HPSE2: variants seen among roughly 807,000 people sequenced by gnomAD.
HPSE2 encodes the protein heparanase 2 (inactive), also known as inactive heparanase-2.
A neutral mutation model predicts 60.5 loss-of-function variants in HPSE2; 38 were observed. The ratio of observed to expected loss-of-function variants is 0.63; its 90% CI spans 0.48 to 0.82. The LOEUF (loss-of-function observed/expected upper bound fraction) is 0.82. Ranked by LOEUF, HPSE2 falls within the 40% of genes least tolerant of loss-of-function variation. The pLI is 0.00. For synonymous variants in HPSE2, 295 were observed against 293.2 expected, an observed-to-expected ratio of 1.01 and a Z score of -0.06; for missense variants, 713 against 740.4, an observed-to-expected ratio of 0.96 and a Z score of 0.43.
At chr10:99,160,382 C>T (rs1213945682) in intron 2 of HPSE2, among the ~76,000 whole-genome samples, 1 of 152,116 alleles carries the variant, frequency 6.6e-6, no homozygotes, top group Non-Finnish European at 1.5e-5. Flanking sequence ...GATACTACTA[C>T]ACACCCACTA....
At chr10:98,869,812 A>G (rs1952685483) in intron 3 of HPSE2, among the ~76,000 whole-genome samples, 2 of 152,168 alleles carry the variant, frequency 1.3e-5, no homozygotes, top group African/African-American at 2.4e-5. Flanking sequence ...CCTCTCAGCC[A>G]TAGTTTCCTT....
At chr10:98,566,230 G>A (rs1270101873) in intron 9 of HPSE2, among the ~76,000 whole-genome samples, 1 of 152,206 alleles carries the variant, frequency 6.6e-6, no homozygotes, top group Non-Finnish European at 1.5e-5. Context: ...GGAAGGAAAC[G>A]TAAGCTATAT....
chr10:99,164,809 G>A (rs1441688211), intron 2 of HPSE2, among the ~76,000 whole-genome samples: 5 of 152,182 alleles, frequency 3.3e-5, no homozygotes, highest in African/African-American at 1.2e-4. Context: ...CAGATCACGA[G>A]GTCAGGTGGC....
intron 2 of HPSE2, among the ~76,000 whole-genome samples, chr10:99,155,828 A>C (rs1846526704): frequency 6.6e-6 from 1 of 151,078 alleles, no homozygotes; most frequent in Admixed American, 6.7e-5. Context: ...GGTTTTTTGA[A>C]AGGATCAACA....
intron 9 of HPSE2, among the ~76,000 whole-genome samples, chr10:98,514,233 C>T (rs111244950): frequency 7.3e-5 from 11 of 151,612 alleles, no homozygotes; most frequent in African/African-American, 2.7e-4. Flanking sequence ...GGTAAATTCA[C>T]AAAAAGTAGA....
intron 6 of HPSE2, among the ~76,000 whole-genome samples, chr10:98,680,711 AG>A (rs1947761414): frequency 6.6e-6 from 1 of 152,164 alleles, no homozygotes; most frequent in Non-Finnish European, 1.5e-5. Context: ...TGTTGTCTTG[AG>A]GAAAAGCACT....
intron 9 of HPSE2, among the ~76,000 whole-genome samples, chr10:98,610,887 A>G (rs1309591932): frequency 1.3e-5 from 2 of 152,222 alleles, no homozygotes; most frequent in Middle Eastern, 3.2e-3. Context: ...CCTTTCCCTG[A>G]AAGCTCTGTA....
intron 2 of HPSE2, among the ~76,000 whole-genome samples, chr10:99,146,100 G>A (rs773643690): frequency 2.6e-4 from 39 of 152,290 alleles, no homozygotes; most frequent in Non-Finnish European, 2.9e-4. Context: ...GTATAAATAA[G>A]TTCAAGAATA....
intron 3 of HPSE2, among the ~76,000 whole-genome samples, chr10:98,923,985 A>T (rs1179741963): frequency 6.6e-6 from 1 of 152,166 alleles, no homozygotes; most frequent in African/African-American, 2.4e-5. Flanking sequence ...GCATCTGGGC[A>T]TTAAAGAGTT....
chr10:99,250,477 C>G, the HPSE2 span, among the ~76,000 whole-genome samples: 1 of 152,200 alleles, frequency 6.6e-6, no homozygotes, highest in African/African-American at 2.4e-5. Flanking sequence ...AGAATCTGGA[C>G]TTAAACATGA....
At chr10:99,111,146 GCTCT>G (rs1415111282) in intron 3 of HPSE2, among the ~76,000 whole-genome samples, 1 of 151,954 alleles carries the variant, frequency 6.6e-6, no homozygotes, top group Non-Finnish European at 1.5e-5. Context: ...CTATTTCTGC[GCTCT>G]CTATTCTGTC....
At chr10:98,830,441 G>C (rs1009227000) in intron 3 of HPSE2, among the ~76,000 whole-genome samples, 1 of 152,052 alleles carries the variant, frequency 6.6e-6, no homozygotes, top group Non-Finnish European at 1.5e-5. Context: ...CTACCTAATG[G>C]GCAAAGGACA....
intron 3 of HPSE2, among the ~76,000 whole-genome samples, chr10:98,821,005 C>T (rs931565073): frequency 6.6e-6 from 1 of 152,176 alleles, no homozygotes; most frequent in African/African-American, 2.4e-5. Context: ...CTTCCCCTAC[C>T]TGTTGATGAG....
intron 9 of HPSE2, among the ~76,000 whole-genome samples, chr10:98,533,379 C>T (rs1943188017): frequency 6.6e-6 from 1 of 152,164 alleles, no homozygotes; most frequent in African/African-American, 2.4e-5. Flanking sequence ...ACAAAATTTC[C>T]TGGCTTTCTT....
At chr10:98,901,063 A>G (rs1400109984) in intron 3 of HPSE2, among the ~76,000 whole-genome samples, 1 of 152,220 alleles carries the variant, frequency 6.6e-6, no homozygotes, top group African/African-American at 2.4e-5. Flanking sequence ...AACATGAATG[A>G]ATCTCAGAGT....
intron 6 of HPSE2, among the ~76,000 whole-genome samples, chr10:98,666,690 C>T (rs1056647355): frequency 2.6e-5 from 4 of 152,026 alleles, no homozygotes; most frequent in South Asian, 2.1e-4. Context: ...AACTCTTGAG[C>T]GAACAATGAA....
At chr10:98,980,682 T>C (rs1458567121) in intron 3 of HPSE2, among the ~76,000 whole-genome samples, 1 of 152,192 alleles carries the variant, frequency 6.6e-6, no homozygotes, top group Non-Finnish European at 1.5e-5. Flanking sequence ...GTTTACAGTC[T>C]TGTCTACCTA....
At chr10:98,800,518 T>C (rs901976177) in intron 3 of HPSE2, among the ~76,000 whole-genome samples, 10 of 148,814 alleles carry the variant, frequency 6.7e-5, no homozygotes, top group African/African-American at 2.4e-4. Context: ...TATAATAAAA[T>C]AAAATCAGGG....
At position 99,117,417 on chromosome 10, in the gene HPSE2, GAAAAAA is replaced by G. The variant is rs1157232317; in HGVS notation, c.610+26815_610+26820del. On this transcript the variant is annotated intron_variant, in intron 3 of 11. Transcript: ENST00000370552. ...CAGCAAATCCAAGAGTTGTTTTTTT[GAAAAAA>G]AAAAAAAAAAAAAAAAAAAAAAAAA... 1.9e-3 allele frequency among the ~76,000 whole-genome samples: 46 copies of G among 24,796 alleles called. No homozygotes were observed. The East Asian group carries it at 0.034, about 19-fold the overall frequency. The allele number at this position is 24,796 out of a possible 152,430, so 16.3% of individuals were successfully genotyped here.
Sources: gnomAD v4.1 joint callset for allele counts (sites outside exome capture counted in the v4.1 genomes callset) on GRCh38, gnomAD v4.1.1 for gene constraint, MANE v1.5 for transcripts, NCBI Gene and HGNC (gene_info 2026-07-23, HGNC 2026-07-21) for gene names.